Variants in RPS6KA5 observed in about 807,000 individuals in gnomAD.
RPS6KA5 encodes ribosomal protein S6 kinase A5, also known as ribosomal protein S6 kinase alpha-5.
A neutral mutation model predicts 85.5 loss-of-function variants in RPS6KA5; 27 were observed. The observed-to-expected ratio is 0.32, with a 90% confidence interval of 0.23 to 0.44. The LOEUF is 0.44. Ranked by LOEUF, RPS6KA5 falls within the 20% of genes least tolerant of loss-of-function variation. The pLI, the probability that RPS6KA5 is intolerant of heterozygous loss-of-function variation, is 1.00. For missense variants in RPS6KA5, 811 were observed against 980.9 expected, an observed-to-expected ratio of 0.83 and a Z score of 2.31; for synonymous variants, 334 against 348.2, an observed-to-expected ratio of 0.96 and a Z score of 0.46.
intron 12 of RPS6KA5, among the ~76,000 whole-genome samples, chr14:90,895,525 A>G (rs530224717): frequency 1.3e-5 from 2 of 152,290 alleles, no homozygotes; most frequent in Non-Finnish European, 2.9e-5. Context: ...TTTGTAAGTT[A>G]TATGTTTACC....
Position 90,850,185 on chromosome 14 carries a change from C to T in RPS6KA5, c.*21889G>A, listed in dbSNP as rs1264629203. 1 of 152,166 alleles carries T rather than the reference C, an allele frequency of 6.6e-6. No individual in the cohort carries two copies. Among genetic ancestry groups the T allele is most frequent in the African/African-American group, 2.4e-5 (1 of 41,416 alleles). The allele number at this position is 152,166 out of a possible 1,614,324, so 9.4% of individuals were successfully genotyped here. Reference sequence around the variant, plus strand: ...GGGATCCCGTCAGCTTCTCCTTCCCCAGAGGTCCTGACATTGCTTACCAGC... The same window carrying T: ...GGGATCCCGTCAGCTTCTCCTTCCCTAGAGGTCCTGACATTGCTTACCAGC... On this transcript the variant is annotated 3_prime_UTR_variant, in exon 17 of 17. Transcript: ENST00000614987.
intron 2 of RPS6KA5, among the ~76,000 whole-genome samples, chr14:90,989,849 T>C (rs2040226837): frequency 6.6e-6 from 1 of 152,078 alleles, no homozygotes; most frequent in Non-Finnish European, 1.5e-5. Context: ...CTTCACACAA[T>C]GCTGGATTAT....
intron 1 of RPS6KA5, among the ~76,000 whole-genome samples, chr14:91,023,989 G>A (rs2041894550): frequency 6.6e-6 from 1 of 152,088 alleles, no homozygotes; most frequent in African/African-American, 2.4e-5. Context: ...TACATTTGCT[G>A]AATAATTTTT....
intron 2 of RPS6KA5, among the ~76,000 whole-genome samples, chr14:90,993,174 G>A (rs2040377076): frequency 6.6e-6 from 1 of 152,146 alleles, no homozygotes. Flanking sequence ...GGGCGTGGTG[G>A]CTCACACCTG....
chr14:90,933,490 T>C (rs1035888150), intron 5 of RPS6KA5, among the ~76,000 whole-genome samples: 1 of 152,174 alleles, frequency 6.6e-6, no homozygotes, highest in Non-Finnish European at 1.5e-5. Context: ...AAAAATTCCA[T>C]TAGATCTAAT....
intron 1 of RPS6KA5, among the ~76,000 whole-genome samples, chr14:91,013,797 C>T (rs529869605): frequency 6.6e-6 from 1 of 152,284 alleles, no homozygotes; most frequent in African/African-American, 2.4e-5. Flanking sequence ...AGATGGAAAA[C>T]AGTGAAGCCA....
chr14:90,866,303 A>T lies in RPS6KA5; in HGVS notation c.*5771T>A, dbSNP rs941545122. 1.7e-4 allele frequency: 25 copies of T among 151,380 alleles called. No individual in the cohort carries two copies. The highest frequency in any genetic ancestry group is 5.4e-4 in the African/African-American group (22 of 41,010). The allele number at this position is 151,380 out of a possible 1,614,324, so 9.4% of individuals were successfully genotyped here. On this transcript the variant is annotated 3_prime_UTR_variant, in exon 17 of 17. Transcript: ENST00000614987. ...ACCATACTGATACCTTGTAGCTATTAAAAAAAAATTAGCTGGGCATGGTGG... is the reference window on the plus strand; with the variant it reads ...ACCATACTGATACCTTGTAGCTATTTAAAAAAAATTAGCTGGGCATGGTGG...
intron 2 of RPS6KA5, among the ~76,000 whole-genome samples, chr14:90,997,356 A>G (rs1328794021): frequency 6.6e-6 from 1 of 152,224 alleles, no homozygotes; most frequent in African/African-American, 2.4e-5. Flanking sequence ...TTGTACATGA[A>G]TGTTCATAGC....
rs545373518 is a variant in RPS6KA5 at position 91,007,341 on chromosome 14, C to T, written c.104-6182G>A. ...GCTAATCAACTGGTACACAGGAGTA[C>T]GACCATATCAGTTATTTGTTTCTGG... On this transcript the variant is annotated intron_variant, in intron 1 of 16. Coordinates refer to ENST00000614987, the MANE Select transcript of RPS6KA5 (RefSeq NM_004755.4). Among the ~76,000 whole-genome samples, 37 of 152,280 alleles carry T rather than the reference C, an allele frequency of 2.4e-4. 1 individual carries two copies. Among genetic ancestry groups the T allele is most frequent in the African/African-American group, 7.5e-4 (31 of 41,570 alleles).
intron 3 of RPS6KA5, among the ~76,000 whole-genome samples, chr14:90,951,742 C>T (rs1167481764): frequency 6.6e-6 from 1 of 152,102 alleles, no homozygotes; most frequent in Non-Finnish European, 1.5e-5. Flanking sequence ...ATAGAAGGTT[C>T]CGCTCGTTCT....
intron 4 of RPS6KA5, among the ~76,000 whole-genome samples, chr14:90,945,203 G>T (rs944307936): frequency 1.3e-5 from 2 of 149,748 alleles, no homozygotes; most frequent in Admixed American, 1.3e-4. Context: ...AGTGAGCTGT[G>T]ATCGTGCCAC....
chr14:90,880,997 GTTAA>G (rs1479730830), intron 14 of RPS6KA5, among the ~76,000 whole-genome samples: 1 of 151,740 alleles, frequency 6.6e-6, no homozygotes, highest in African/African-American at 2.4e-5. Context: ...ACTACATCTG[GTTAA>G]TTTTTAAATT....
At position 91,046,864 on chromosome 14, in the gene RPS6KA5, T is replaced by A. The variant is rs1341839416; in HGVS notation, c.103+13468A>T. ...ATATAAAAATAGCATGAACACCATA[T>A]GACAAAGATTTTATTTAAGAAGCAA... On this transcript the variant is annotated intron_variant, in intron 1 of 16. Coordinates refer to ENST00000614987, the MANE Select transcript of RPS6KA5 (RefSeq NM_004755.4). 2.6e-5 allele frequency among the ~76,000 whole-genome samples: 4 copies of A among 152,076 alleles called. No individual in the cohort carries two copies. In the East Asian group the frequency reaches 7.7e-4, roughly 29 times the overall value.
chr14:90,851,487 C>T lies in RPS6KA5; in HGVS notation c.*20587G>A, dbSNP rs1338555706. 1 of 152,064 alleles carries T rather than the reference C, an allele frequency of 6.6e-6. No homozygotes were observed. Among genetic ancestry groups the T allele is most frequent in the Non-Finnish European group, 1.5e-5 (1 of 68,030 alleles). The allele number at this position is 152,064 out of a possible 1,614,324, so 9.4% of individuals were successfully genotyped here. On this transcript the variant is annotated 3_prime_UTR_variant, in exon 17 of 17. Coordinates refer to ENST00000614987, the MANE Select transcript of RPS6KA5 (RefSeq NM_004755.4). ...TCAGTATGCTGGTGAGACAGGGAGG[C>T]ACAGGTTAACCCCATTTTACAGATG...
chr14:90,991,694 T>G (rs1264437988), intron 2 of RPS6KA5, among the ~76,000 whole-genome samples: 3 of 90,056 alleles, frequency 3.3e-5, no homozygotes, highest in African/African-American at 8.1e-5. Context: ...AGAGTGAGAC[T>G]CCATCTCAAA....
At chr14:90,873,957 T>C (rs568669529) in intron 15 of RPS6KA5, among the ~76,000 whole-genome samples, 162 bp from the exon 16 acceptor site, 1 of 152,350 alleles carries the variant, frequency 6.6e-6, no homozygotes, top group East Asian at 1.9e-4. Flanking sequence ...TTAAATTCTT[T>C]TGTGAATGCT....
At chr14:90,969,220 A>G (rs187960631) in intron 3 of RPS6KA5, among the ~76,000 whole-genome samples, 1 of 152,228 alleles carries the variant, frequency 6.6e-6, no homozygotes, top group African/African-American at 2.4e-5. Flanking sequence ...TAAGCAACTC[A>G]TATCATTCTG....
At chr14:90,972,472 T>C (rs528129106) in intron 3 of RPS6KA5, among the ~76,000 whole-genome samples, 1 of 152,308 alleles carries the variant, frequency 6.6e-6, no homozygotes, top group Non-Finnish European at 1.5e-5. Context: ...TATGAGAATT[T>C]CATAGAGGAA....
At chr14:91,012,885 C>T (rs765475154) in intron 1 of RPS6KA5, among the ~76,000 whole-genome samples, 33 of 152,168 alleles carry the variant, frequency 2.2e-4, no homozygotes, top group South Asian at 8.3e-4. Flanking sequence ...ATCATCCAAC[C>T]GTGGGGAAGG....
Sources: allele counts gnomAD v4.1 joint callset (sites outside exome capture counted in the v4.1 genomes callset), GRCh38; gene constraint gnomAD v4.1.1; transcripts MANE v1.5; gene names NCBI Gene and HGNC (gene_info 2026-07-23, HGNC 2026-07-21).